Variants in STK3 observed in about 807,000 individuals in gnomAD.
The protein encoded by STK3 is serine/threonine kinase 3.
In STK3, 41 loss-of-function variants were observed where a neutral mutation model predicts 58.0. The observed-to-expected ratio is 0.71, with a 90% CI of 0.55 to 0.92. The LOEUF (loss-of-function observed/expected upper bound fraction) is 0.92. Among genes scored for constraint, STK3 ranks in the 40% least tolerant of loss-of-function variants. The probability of loss-of-function intolerance (pLI) is 0.00; values close to 1 mark genes in which losing one functional copy is unlikely to be tolerated. For missense variants in STK3, 479 were observed against 602.7 expected (o/e 0.79, Z 2.15); for synonymous variants, 170 against 191.0 (o/e 0.89, Z 0.91).
At chr8:98,555,493 A>C (rs1254105823) in intron 8 of STK3, among the ~76,000 whole-genome samples, 4 of 152,152 alleles carry the variant, frequency 2.6e-5, no homozygotes. Flanking sequence ...AAAATATTCT[A>C]ATTTTATTTT....
chr8:98,709,526 C>T (rs1215427103), intron 4 of STK3, among the ~76,000 whole-genome samples: 1 of 152,142 alleles, frequency 6.6e-6, no homozygotes, highest in African/African-American at 2.4e-5. Flanking sequence ...CCCTTATGAA[C>T]ATTGATACAA....
chr8:98,388,158 C>G (rs1240782269), intron 1 of STK3: 1 of 152,112 alleles, frequency 6.6e-6, no homozygotes, highest in Non-Finnish European at 1.5e-5. Flanking sequence ...ATTCTGAAAA[C>G]TTACAAATAA....
intron 1 of STK3, among the ~76,000 whole-genome samples, chr8:98,939,536 G>C (rs1211153205): frequency 6.6e-6 from 1 of 152,198 alleles, no homozygotes; most frequent in Admixed American, 6.5e-5. Flanking sequence ...GTGAGAAATG[G>C]AACGTCCAAG....
chr8:98,924,209 T>C (rs1447714004), intron 1 of STK3, among the ~76,000 whole-genome samples: 2 of 152,166 alleles, frequency 1.3e-5, no homozygotes, highest in East Asian at 3.9e-4. Flanking sequence ...CACACTGCAG[T>C]TTAGATAGCA....
chr8:98,813,331 C>G (rs183337930), intron 1 of STK3, among the ~76,000 whole-genome samples: 1 of 152,170 alleles, frequency 6.6e-6, no homozygotes. Context: ...CACTTTCTAT[C>G]ATTGTTTTGA....
Position 98,890,173 on chromosome 8 carries a change from C to T in STK3, c.-78-6339G>A, listed in dbSNP as rs1587807540. 2.6e-5 allele frequency among the ~76,000 whole-genome samples: 4 copies of T among 152,354 alleles called. No homozygotes were observed. In the South Asian group the frequency reaches 6.2e-4, roughly 24 times the overall value. The stretch of plus-strand genomic sequence containing the variant: ...AAGTACCCAGTTGTCCTGGCTTCCA[C>T]TCCAGTGCTCTGGCCCTTGCTGGAG... On this transcript the variant is annotated intron_variant, in intron 1 of 1. Transcript: ENST00000519420.
intron 6 of STK3, among the ~76,000 whole-genome samples, chr8:98,659,154 C>CA (rs1361360194): frequency 6.6e-6 from 1 of 152,000 alleles, no homozygotes; most frequent in East Asian, 1.9e-4. Flanking sequence ...GTATTTCCAT[C>CA]ATTAAGCAAT....
At chr8:98,889,472 C>T (rs182301996) in intron 1 of STK3, among the ~76,000 whole-genome samples, 1 of 152,168 alleles carries the variant, frequency 6.6e-6, no homozygotes, top group Admixed American at 6.5e-5. Context: ...ATATTTTAAA[C>T]CACTCTGTAA....
intron 4 of STK3, among the ~76,000 whole-genome samples, chr8:98,739,046 C>A (rs1474643574): frequency 1.3e-5 from 2 of 152,216 alleles, no homozygotes; most frequent in East Asian, 1.9e-4. Flanking sequence ...GGGAGGGGCG[C>A]CCGCCATTGC....
At chr8:98,731,201 G>C (rs759303210) in intron 4 of STK3, among the ~76,000 whole-genome samples, 4 of 152,160 alleles carry the variant, frequency 2.6e-5, no homozygotes, top group Non-Finnish European at 5.9e-5. Flanking sequence ...AGACAAAGAA[G>C]TGATCTACCA....
intron 10 of STK3, among the ~76,000 whole-genome samples, chr8:98,460,131 T>C (rs1025246792): frequency 3.3e-5 from 5 of 152,194 alleles, no homozygotes; most frequent in African/African-American, 1.2e-4. Context: ...GGCTGTAACC[T>C]GCAAAGCCAC....
intron 6 of STK3, among the ~76,000 whole-genome samples, chr8:98,611,350 GAC>G (rs1266566978): frequency 6.6e-6 from 1 of 151,618 alleles, no homozygotes; most frequent in Non-Finnish European, 1.5e-5. Context: ...ATTAAAAAAA[GAC>G]ACACAGACAT....
chr8:98,768,194 C>T (rs1045487223), intron 2 of STK3, among the ~76,000 whole-genome samples: 55 of 152,156 alleles, frequency 3.6e-4, no homozygotes, highest in African/African-American at 1.3e-3. Context: ...GAAATTCAAC[C>T]CTCACAATCA....
chr8:98,742,025 A>C (rs1829257464), intron 4 of STK3, among the ~76,000 whole-genome samples: 5 of 152,114 alleles, frequency 3.3e-5, no homozygotes. Context: ...CCCAAGACTA[A>C]ACCAGGAAGA....
At chr8:98,544,475 T>C (rs1032936451) in intron 9 of STK3, among the ~76,000 whole-genome samples, 2 of 152,180 alleles carry the variant, frequency 1.3e-5, no homozygotes, top group Non-Finnish European at 2.9e-5. Flanking sequence ...TATCTATATT[T>C]ATCAGAGAAT....
intron 6 of STK3, among the ~76,000 whole-genome samples, chr8:98,678,886 T>C (rs1156844750): frequency 6.6e-6 from 1 of 152,230 alleles, no homozygotes; most frequent in East Asian, 1.9e-4. Flanking sequence ...CAGTTGAGTT[T>C]TGTGGAAGAA....
Position 98,428,133 on chromosome 8 carries a change from C to T in STK3, n.483+5994G>A, listed in dbSNP as rs758514346. ...GGGCCGCTTGCTGCTCTGCCACTCG[C>T]GCGAGGCCATTCTGGAGCTCTGCGA... On this transcript the variant is annotated intron_variant and non_coding_transcript_variant, in intron 3 of 3. Coordinates refer to the STK3 transcript ENST00000517832. This position sits in a 1 kb window ranked among gnomAD's most constrained non-coding sequence, Gnocchi z 6.7. 6.2e-7 allele frequency: 1 copy of T among 1,613,996 alleles called. No individual in the cohort carries two copies. Among genetic ancestry groups the T allele is most frequent in the Non-Finnish European group, 8.5e-7 (1 of 1,180,012 alleles).
chr8:98,449,594 C>T (rs1819105749), intron 1 of STK3, among the ~76,000 whole-genome samples: 1 of 152,076 alleles, frequency 6.6e-6, no homozygotes, highest in South Asian at 2.1e-4. Flanking sequence ...AATGGGGCAA[C>T]TTATGCTGGC....
At chr8:98,389,283 T>G (rs920099586), upstream of STK3, among the ~76,000 whole-genome samples, 7 of 152,210 alleles carry the variant, frequency 4.6e-5, no homozygotes, top group African/African-American at 7.2e-5. Flanking sequence ...ATATTGTCTG[T>G]AATGCTCACT....
Sources: gnomAD v4.1 joint callset for allele counts (sites outside exome capture counted in the v4.1 genomes callset) on GRCh38, gnomAD v4.1.1 for gene constraint, Gnocchi (gnomAD v3.1) non-coding constraint, MANE v1.5 for transcripts, NCBI Gene and HGNC (gene_info 2026-07-23, HGNC 2026-07-21) for gene names.